PPP4R3B: variants seen among roughly 807,000 people sequenced by gnomAD.
PPP4R3B encodes the protein protein phosphatase 4 regulatory subunit 3B.
PPP4R3B carries 52 observed loss-of-function variants against 95.4 expected under a neutral mutation model. The ratio of observed to expected loss-of-function variants is 0.54; its 90% CI spans 0.44 to 0.69. PPP4R3B has a LOEUF of 0.69. Among genes scored for constraint, PPP4R3B ranks in the 30% least tolerant of loss-of-function variants. The pLI, the probability that PPP4R3B is intolerant of heterozygous loss-of-function variation, is 0.00. For synonymous variants in PPP4R3B, 407 were observed against 343.9 expected (o/e 1.18, Z -2.03); for missense variants, 1,003 against 1,005.9 (o/e 1.00, Z 0.04).
At chr2:55,574,503 C>T (rs1688394380) in intron 11 of PPP4R3B, among the ~76,000 whole-genome samples, 1 of 151,738 alleles carries the variant, frequency 6.6e-6, no homozygotes, top group Admixed American at 6.6e-5. Context: ...GTGCAAATTT[C>T]TCAAGAAAAA....
At chr2:55,560,884 A>G (rs1686520104) in intron 15 of PPP4R3B, among the ~76,000 whole-genome samples, 1 of 151,382 alleles carries the variant, frequency 6.6e-6, no homozygotes, top group Admixed American at 6.6e-5. Context: ...ATTAGAATTT[A>G]TATTTAAAAG....
chr2:55,565,451 G>A (rs373291668), intron 13 of PPP4R3B, among the ~76,000 whole-genome samples: 1 of 151,938 alleles, frequency 6.6e-6, no homozygotes, highest in African/African-American at 2.4e-5. Context: ...CTCTAAGAGA[G>A]GCTGGATGGT....
intron 13 of PPP4R3B, 151 bp downstream of exon 13, chr2:55,568,041 TTC>T (rs967530667): frequency 1.8e-5 from 8 of 455,284 alleles, no homozygotes; most frequent in African/African-American, 1.2e-4. Flanking sequence ...TTTTTAAAAT[TTC>T]TGTTTATTAG....
intron 15 of PPP4R3B, among the ~76,000 whole-genome samples, chr2:55,559,821 T>C (rs1309499273): frequency 6.6e-6 from 1 of 152,162 alleles, no homozygotes; most frequent in Admixed American, 6.5e-5. Context: ...GTGGTACTGC[T>C]ATAAAGATAC....
intron 11 of PPP4R3B, 109 bp from the exon 12 acceptor site, chr2:55,573,886 C>CT (rs369126683): frequency 0.1 from 27,956 of 276,148 alleles, 312 homozygotes; most frequent in Middle Eastern, 0.14. Context: ...GTATTTCCTC[C>CT]TTTTTTTTTT....
At chr2:55,612,500 C>G (rs934205621) in intron 2 of PPP4R3B, among the ~76,000 whole-genome samples, 1 of 152,096 alleles carries the variant, frequency 6.6e-6, no homozygotes, top group Non-Finnish European at 1.5e-5. Context: ...AAAAGGATCA[C>G]TTGAGGCCAG....
Position 55,597,194 on chromosome 2 carries a change from T to C in PPP4R3B, c.921+1222A>G, listed in dbSNP as rs114804216. Reference sequence around the variant, plus strand: ...TGCCAATGAATTGTACACTTAAAAATTGTTGAAACTGGCCGGGCACAGTGA... The same window carrying C: ...TGCCAATGAATTGTACACTTAAAAACTGTTGAAACTGGCCGGGCACAGTGA... On this transcript the variant is annotated intron_variant, in intron 4 of 16. Coordinates refer to ENST00000616407, the MANE Select transcript of PPP4R3B (RefSeq NM_001122964.3). Among the ~76,000 whole-genome samples the C allele has an allele frequency of 2.0e-3, 308 of 151,950 alleles. 1 individual carries two copies. The highest frequency in any genetic ancestry group is 7.0e-3 in the African/African-American group (289 of 41,452).
At chr2:55,617,019 G>C (rs531757900) in intron 1 of PPP4R3B, 125 bp downstream of exon 1, 1 of 1,112,996 alleles carries the variant, frequency 9.0e-7, no homozygotes, top group South Asian at 1.7e-5. Context: ...CCGTACACAA[G>C]AGCCAGTTCA....
intron 4 of PPP4R3B, among the ~76,000 whole-genome samples, chr2:55,592,321 G>C (rs1039024573): frequency 6.6e-6 from 1 of 151,990 alleles, no homozygotes; most frequent in African/African-American, 2.4e-5. Flanking sequence ...AATTAATGAG[G>C]TTTTTGTCAC....
chr2:55,585,333 C>T (rs1030435705), intron 6 of PPP4R3B, among the ~76,000 whole-genome samples, 166 bp from the exon 7 acceptor site: 11 of 152,100 alleles, frequency 7.2e-5, no homozygotes, highest in Non-Finnish European at 1.3e-4. Context: ...TTTCTTTTTA[C>T]AAATATTAAA....
chr2:55,606,885 G>A (rs956082113), intron 2 of PPP4R3B, among the ~76,000 whole-genome samples: 23 of 151,548 alleles, frequency 1.5e-4, no homozygotes, highest in African/African-American at 5.1e-4. Flanking sequence ...TTTTGAGAGG[G>A]GTAACTTCTT....
intron 3 of PPP4R3B, among the ~76,000 whole-genome samples, chr2:55,599,683 C>T (rs1310489328): frequency 6.6e-6 from 1 of 152,160 alleles, no homozygotes; most frequent in Non-Finnish European, 1.5e-5. Flanking sequence ...CACAATAAAT[C>T]CACACTATCA....
chr2:55,583,778 ATAAC>A lies in PPP4R3B; in HGVS notation c.1233+1269_1233+1272del, dbSNP rs748687059. ...AAAATCACTTTAAAAAACATTGAAA[ATAAC>A]TAACAAACATAGAAAGTATAAATCT... On this transcript the variant is annotated intron_variant, in intron 7 of 16. Transcript: ENST00000616407. Among the ~76,000 whole-genome samples, 49 of 152,390 alleles carry A rather than the reference ATAAC, an allele frequency of 3.2e-4. 1 individual carries two copies. Among genetic ancestry groups the A allele is most frequent in the African/African-American group, 9.6e-4 (40 of 41,602 alleles).
chr2:55,552,782 G>C (rs1485344800), intron 16 of PPP4R3B, among the ~76,000 whole-genome samples: 1 of 152,186 alleles, frequency 6.6e-6, no homozygotes, highest in Non-Finnish European at 1.5e-5. Flanking sequence ...AAGAAAACAG[G>C]AGAAGAGAGA....
chr2:55,585,471 G>A (rs1308146810), intron 6 of PPP4R3B, among the ~76,000 whole-genome samples: 1 of 152,100 alleles, frequency 6.6e-6, no homozygotes, highest in Non-Finnish European at 1.5e-5. Flanking sequence ...TAAAAAATAT[G>A]GGAAGGGGAT....
intron 16 of PPP4R3B, among the ~76,000 whole-genome samples, chr2:55,558,165 T>G (rs7586124): frequency 6.6e-6 from 1 of 152,012 alleles, no homozygotes; most frequent in African/African-American, 2.4e-5. Context: ...TAAACTGGCA[T>G]AGACTTTATG....
chr2:55,616,108 A>T (rs921491587), intron 1 of PPP4R3B, among the ~76,000 whole-genome samples: 2 of 152,188 alleles, frequency 1.3e-5, no homozygotes, highest in African/African-American at 2.4e-5. Context: ...TTAAAATTTT[A>T]TTGAAATAAA....
At chr2:55,601,385 T>G (rs901233656) in intron 3 of PPP4R3B, among the ~76,000 whole-genome samples, 2 of 141,176 alleles carry the variant, frequency 1.4e-5, no homozygotes, top group African/African-American at 5.2e-5. Flanking sequence ...TGTCTTTTTC[T>G]TTTTTTTTTT....
rs1684908197 is a variant in PPP4R3B, at chr2:55,548,212, C to T, written c.*1699G>A. ...GTAGTCACTGATAAAGTGCCATTGA[C>T]CCGCATTTGTTTAGAATTATTTCAT... On this transcript the variant is annotated 3_prime_UTR_variant, in exon 17 of 17. Transcript: ENST00000616407. The T allele has an allele frequency of 6.6e-6, 1 of 152,444 alleles. No homozygotes were observed. Among genetic ancestry groups the T allele is most frequent in the Admixed American group, 6.5e-5 (1 of 15,278 alleles). 9.4% of individuals were successfully genotyped at this position (152,444 alleles called of 1,614,324 possible).
Sources: gnomAD v4.1 joint callset for allele counts (sites outside exome capture counted in the v4.1 genomes callset) on GRCh38, gnomAD v4.1.1 for gene constraint, MANE v1.5 for transcripts, NCBI Gene and HGNC (gene_info 2026-07-23, HGNC 2026-07-21) for gene names.